The following SPON1 variants were observed in gnomAD, a reference collection of about 807,000 sequenced individuals.
SPON1 encodes spondin-1.
Under a neutral mutation model 111.7 loss-of-function variants are expected in SPON1, and 52 were observed. That is an observed-to-expected ratio of 0.47 (90% CI 0.37 to 0.59). The LOEUF is 0.59. Ranked by LOEUF, SPON1 falls within the 20% of genes least tolerant of loss-of-function variation. SPON1 has a pLI of 0.00. For missense variants in SPON1, 957 were observed against 1,068.5 expected (o/e 0.90, Z 1.46); for synonymous variants, 410 against 395.8 (o/e 1.04, Z -0.43).
At chr11:14,216,601 G>C (rs782021792) in intron 6 of SPON1, among the ~76,000 whole-genome samples, 1 of 152,116 alleles carries the variant, frequency 6.6e-6, no homozygotes, top group African/African-American at 2.4e-5. Flanking sequence ...ATCTGAGGAA[G>C]GTCATCCCAT....
At position 14,068,293 on chromosome 11, in the gene SPON1, T is replaced by G. The variant is rs183469809; in HGVS notation, c.480-7052T>G. Among the ~76,000 whole-genome samples the G allele has an allele frequency of 1.0e-3, 152 of 152,324 alleles. 1 individual carries two copies. The highest frequency in any genetic ancestry group is 3.4e-3 in the African/African-American group (141 of 41,572). ...ATTGAAGAGGAAATAAACTGAGCAC[T>G]AAAACTAGCTTTCCTTTAGTTTTTA... On this transcript the variant is annotated intron_variant, in intron 3 of 15. Coordinates refer to ENST00000576479, the MANE Select transcript of SPON1 (RefSeq NM_006108.4).
At chr11:14,103,840 T>G (rs1280004080) in intron 5 of SPON1, among the ~76,000 whole-genome samples, 1 of 152,228 alleles carries the variant, frequency 6.6e-6, no homozygotes, top group East Asian at 1.9e-4. Flanking sequence ...AGTCTATTAA[T>G]TTATCATTTT....
At chr11:14,026,318 T>C (rs1554915305) in intron 2 of SPON1, among the ~76,000 whole-genome samples, 1 of 152,252 alleles carries the variant, frequency 6.6e-6, no homozygotes, top group African/African-American at 2.4e-5. Flanking sequence ...ACCATAAATC[T>C]ATAACTTGAT....
intron 5 of SPON1, among the ~76,000 whole-genome samples, chr11:14,128,151 C>A (rs1847482740): frequency 6.6e-6 from 1 of 152,176 alleles, no homozygotes; most frequent in South Asian, 2.1e-4. Flanking sequence ...CACAATCATG[C>A]CTTCCCAACA....
chr11:14,198,309 T>G (rs1356698619), intron 6 of SPON1, among the ~76,000 whole-genome samples: 1 of 152,216 alleles, frequency 6.6e-6, no homozygotes, highest in African/African-American at 2.4e-5. Context: ...AAAATCCAAA[T>G]GCAGGTGCCT....
intron 6 of SPON1, among the ~76,000 whole-genome samples, chr11:14,217,367 G>T (rs1848636437): frequency 6.6e-6 from 1 of 152,112 alleles, no homozygotes; most frequent in Admixed American, 6.6e-5. Flanking sequence ...GAAAAAAAAA[G>T]ATTGATAGCT....
At chr11:14,216,481 T>A (rs1286034819) in intron 6 of SPON1, among the ~76,000 whole-genome samples, 2 of 152,188 alleles carry the variant, frequency 1.3e-5, no homozygotes, top group African/African-American at 4.8e-5. Context: ...TCCTTAGAAA[T>A]AGCTAATGAG....
intron 2 of SPON1, among the ~76,000 whole-genome samples, chr11:14,040,025 T>C (rs1273943792): frequency 2.0e-5 from 3 of 152,176 alleles, no homozygotes; most frequent in Admixed American, 1.3e-4. Context: ...TAACAAGTAC[T>C]GGTGAGGATA....
intron 2 of SPON1, among the ~76,000 whole-genome samples, chr11:14,037,529 G>GAAAAAA: frequency 6.8e-6 from 1 of 147,078 alleles, no homozygotes; most frequent in South Asian, 2.2e-4. Flanking sequence ...TCCACATGTA[G>GAAAAAA]AAAAAAAAAA....
intron 6 of SPON1, among the ~76,000 whole-genome samples, chr11:14,197,151 T>C (rs11606345): frequency 0.027 from 4,062 of 152,318 alleles, 77 homozygotes; most frequent in South Asian, 0.094. Context: ...GCTTATTTAC[T>C]GAAATACTGG....
intron 7 of SPON1, among the ~76,000 whole-genome samples, chr11:14,253,599 C>G (rs958973652): frequency 1.6e-4 from 24 of 152,208 alleles, no homozygotes; most frequent in Admixed American, 1.5e-3. Flanking sequence ...ACAGGGACTT[C>G]CAGACAGCTG....
intron 2 of SPON1, among the ~76,000 whole-genome samples, chr11:13,984,336 C>T (rs1170249662): frequency 6.6e-6 from 1 of 152,092 alleles, no homozygotes; most frequent in African/African-American, 2.4e-5. Context: ...TTGTGTTTCT[C>T]TAACAAAACA....
intron 2 of SPON1, among the ~76,000 whole-genome samples, chr11:14,016,818 T>A (rs1186263019): frequency 1.3e-5 from 2 of 152,186 alleles, no homozygotes; most frequent in African/African-American, 2.4e-5. Context: ...AATGTGCCAT[T>A]TTTTTCATTT....
intron 13 of SPON1, among the ~76,000 whole-genome samples, chr11:14,260,272 G>A (rs1452333527): frequency 6.6e-6 from 1 of 152,196 alleles, no homozygotes; most frequent in Non-Finnish European, 1.5e-5. Context: ...AGTGTGGGAT[G>A]TTTCTGTCTC....
intron 5 of SPON1, among the ~76,000 whole-genome samples, chr11:14,099,532 C>T (rs782125868): frequency 7.2e-5 from 11 of 152,034 alleles, no homozygotes; most frequent in Admixed American, 1.3e-4. Context: ...ATATGTAGTT[C>T]TCATTTTCAT....
At position 14,050,798 on chromosome 11, in the gene SPON1, G is replaced by A. The variant is rs181495110; in HGVS notation, c.479+9144G>A. 5.8e-4 allele frequency among the ~76,000 whole-genome samples: 89 copies of A among 152,252 alleles called. 2 individuals carry two copies. The East Asian group carries it at 0.01, about 18-fold the overall frequency. Reference sequence around the variant, plus strand: ...CAGAACAGTGTGCCCAGGGTAAACCGGGGAAGCCACTATCCATTGGCCTCC... The same window carrying A: ...CAGAACAGTGTGCCCAGGGTAAACCAGGGAAGCCACTATCCATTGGCCTCC... On this transcript the variant is annotated intron_variant, in intron 3 of 15. Transcript: ENST00000576479.
chr11:14,151,119 C>T (rs1302824529), intron 6 of SPON1, among the ~76,000 whole-genome samples: 2 of 152,254 alleles, frequency 1.3e-5, no homozygotes, highest in South Asian at 2.1e-4. Context: ...GAGCCATATG[C>T]GAATGCATTG....
chr11:14,037,896 G>A (rs1177884958), intron 2 of SPON1, among the ~76,000 whole-genome samples: 1 of 152,194 alleles, frequency 6.6e-6, no homozygotes, highest in Non-Finnish European at 1.5e-5. Context: ...TAAGGGCCAG[G>A]CGCGGTGGGT....
At chr11:14,096,949 G>A (rs776034224) in intron 5 of SPON1, among the ~76,000 whole-genome samples, 1 of 152,174 alleles carries the variant, frequency 6.6e-6, no homozygotes, top group Non-Finnish European at 1.5e-5. Flanking sequence ...AGAATTTTAT[G>A]TTGCTATAGG....
Sources: gnomAD v4.1 joint callset for allele counts (sites outside exome capture counted in the v4.1 genomes callset) on GRCh38, gnomAD v4.1.1 for gene constraint, MANE v1.5 for transcripts, NCBI Gene and HGNC (gene_info 2026-07-23, HGNC 2026-07-21) for gene names.